The following SPHKAP variants were observed in gnomAD, a reference collection of about 807,000 sequenced individuals.
The protein encoded by SPHKAP is A-kinase anchor protein SPHKAP.
SPHKAP carries 67 observed loss-of-function variants against 137.5 expected under a neutral mutation model. That is an observed-to-expected ratio of 0.49 (90% CI 0.40 to 0.60). SPHKAP has a LOEUF of 0.60. Ranked by LOEUF, SPHKAP falls within the 20% of genes least tolerant of loss-of-function variation. SPHKAP has a pLI of 0.00. For synonymous variants in SPHKAP, 813 were observed against 785.3 expected (o/e 1.04, Z -0.59); for missense variants, 2,097 against 2,069.3 (o/e 1.01, Z -0.26).
rs566229628 is a variant in SPHKAP, at chr2:228,045,678, G to A, written c.247-18135C>T. Among the ~76,000 whole-genome samples, 79 of 151,788 alleles carry A rather than the reference G, an allele frequency of 5.2e-4. 2 individuals carry two copies. In the South Asian group the frequency reaches 0.015, roughly 30 times the overall value. ...ACGAGTTAATGGGTGCAGCACACCAGCATGGCACATATATACATATGTAAC... is the reference window on the plus strand; with the variant it reads ...ACGAGTTAATGGGTGCAGCACACCAACATGGCACATATATACATATGTAAC... On this transcript the variant is annotated intron_variant, in intron 3 of 11. Transcript: ENST00000392056.
Position 228,049,713 on chromosome 2 carries a change from T to A in SPHKAP, c.247-22170A>T, listed in dbSNP as rs112404935. Among the ~76,000 whole-genome samples, 1,285 of 152,334 alleles carry A rather than the reference T, an allele frequency of 8.4e-3. 17 individuals carry two copies. The highest frequency in any genetic ancestry group is 0.029 in the East Asian group (152 of 5,180). On this transcript the variant is annotated intron_variant, in intron 3 of 11. Coordinates refer to ENST00000392056, the MANE Select transcript of SPHKAP (RefSeq NM_001142644.2). ...ATTTTTTATGTCCATATGTACCCAA[T>A]GTTTAGCTCTTACTTGTAAGTGAGA...
At chr2:227,982,478 G>T in intron 11 of SPHKAP, 1 of 499,736 alleles carries the variant, frequency 2.0e-6, no homozygotes, top group Non-Finnish European at 2.6e-6. Flanking sequence ...ATTGGCCACA[G>T]CCTAGAGAGA....
intron 1 of SPHKAP, among the ~76,000 whole-genome samples, chr2:228,137,006 TCTC>T (rs932132444): frequency 2.0e-5 from 3 of 152,016 alleles, no homozygotes; most frequent in African/African-American, 7.2e-5. Context: ...GGAGGCCACT[TCTC>T]CTCTCCCACA....
intron 1 of SPHKAP, among the ~76,000 whole-genome samples, chr2:228,156,930 A>T (rs1700124875): frequency 6.6e-6 from 1 of 152,028 alleles, no homozygotes; most frequent in East Asian, 1.9e-4. Flanking sequence ...TTCCTTTATA[A>T]ATTACCCAGT....
chr2:228,052,387 G>T (rs767216883), intron 3 of SPHKAP, among the ~76,000 whole-genome samples: 7 of 152,068 alleles, frequency 4.6e-5, no homozygotes, highest in Non-Finnish European at 1.0e-4. Context: ...CTAATTCTTA[G>T]CATCATGAAA....
intron 2 of SPHKAP, among the ~76,000 whole-genome samples, chr2:228,125,283 T>C (rs1428280347): frequency 1.3e-5 from 2 of 152,204 alleles, no homozygotes; most frequent in Non-Finnish European, 2.9e-5. Flanking sequence ...ACATTGAATA[T>C]AATGCTTTCA....
At chr2:228,068,455 A>G (rs1428416279) in intron 3 of SPHKAP, among the ~76,000 whole-genome samples, 1 of 152,172 alleles carries the variant, frequency 6.6e-6, no homozygotes, top group Non-Finnish European at 1.5e-5. Flanking sequence ...AAAACTGGAG[A>G]CATCATATTA....
intron 1 of SPHKAP, among the ~76,000 whole-genome samples, chr2:228,174,308 T>C (rs1489930737): frequency 1.3e-5 from 2 of 152,278 alleles, no homozygotes; most frequent in East Asian, 3.9e-4. Context: ...GGAACCTTTT[T>C]TTTTTTTCTC....
At chr2:228,082,050 A>G (rs1024418176) in intron 3 of SPHKAP, among the ~76,000 whole-genome samples, 2 of 152,232 alleles carry the variant, frequency 1.3e-5, no homozygotes, top group Admixed American at 6.5e-5. Context: ...CACGTTGTAC[A>G]TGATGAATAA....
intron 1 of SPHKAP, among the ~76,000 whole-genome samples, chr2:228,160,324 G>T (rs546599723): frequency 6.6e-6 from 1 of 152,236 alleles, no homozygotes; most frequent in Admixed American, 6.5e-5. Context: ...GTATTAGTCT[G>T]TTCTCACACT....
At position 228,016,453 on chromosome 2, in the gene SPHKAP, A is replaced by G. The variant is rs1322893766; in HGVS notation, c.4401T>C (p.Asp1467=). 6.2e-7 allele frequency: 1 copy of G among 1,611,316 alleles called. No homozygotes were observed. Among genetic ancestry groups the G allele is most frequent in the Non-Finnish European group, 8.5e-7 (1 of 1,179,118 alleles). ...EGHSNDKNIP[D]VVRGGDTAVS... is the part of the protein sequence containing the mutation. ...CGGCTGTGTCTCCACCTCTCACCAC[A>G]TCTGGGATGTTTTTGTCATTCGAAT... Residue 1467 remains aspartate, a synonymous_variant, in exon 7 of 12, where the codon GAT becomes GAC. Transcript: ENST00000392056.
chr2:228,092,562 G>A (rs185561290), intron 3 of SPHKAP, among the ~76,000 whole-genome samples: 39 of 108,388 alleles, frequency 3.6e-4, no homozygotes, highest in African/African-American at 1.3e-3. Flanking sequence ...GTGTATATGT[G>A]CCATATATAT....
At chr2:228,036,404 G>T (rs1695597404) in intron 3 of SPHKAP, among the ~76,000 whole-genome samples, 1 of 152,138 alleles carries the variant, frequency 6.6e-6, no homozygotes, top group Admixed American at 6.5e-5. Flanking sequence ...AGAGGATGTG[G>T]AGAAATAGGA....
chr2:228,085,256 G>C (rs762371143), intron 3 of SPHKAP, among the ~76,000 whole-genome samples: 2 of 152,170 alleles, frequency 1.3e-5, no homozygotes, highest in Non-Finnish European at 2.9e-5. Flanking sequence ...TTTAATGTCA[G>C]GTTTATTTTT....
chr2:228,032,909 G>C (rs1201919545), intron 3 of SPHKAP, among the ~76,000 whole-genome samples: 1 of 152,148 alleles, frequency 6.6e-6, no homozygotes, highest in Admixed American at 6.5e-5. Context: ...ACCGGTACCT[G>C]CCACTCCAAA....
chr2:228,004,999 G>A (rs1416385191), intron 7 of SPHKAP, among the ~76,000 whole-genome samples: 2 of 152,214 alleles, frequency 1.3e-5, no homozygotes, highest in African/African-American at 2.4e-5. Context: ...TGGAATAGAT[G>A]CGGTGTGGTT....
intron 3 of SPHKAP, among the ~76,000 whole-genome samples, chr2:228,056,645 C>T (rs931282037): frequency 2.0e-5 from 3 of 151,818 alleles, no homozygotes; most frequent in African/African-American, 7.3e-5. Context: ...TGAGCACGAG[C>T]CAGAGGAAAT....
intron 11 of SPHKAP, 70 bp downstream of exon 11, chr2:227,990,930 G>T (rs900047824): frequency 6.1e-6 from 9 of 1,482,876 alleles, no homozygotes; most frequent in Admixed American, 1.7e-5. Flanking sequence ...GGTTTACTGA[G>T]CATTTACTGA....
chr2:228,068,375 C>A (rs1696897105), intron 3 of SPHKAP, among the ~76,000 whole-genome samples: 1 of 150,314 alleles, frequency 6.7e-6, no homozygotes, highest in Non-Finnish European at 1.5e-5. Context: ...AAAAAAAAAA[C>A]AACACCTTAA....
Sources: gnomAD v4.1 joint callset for allele counts (sites outside exome capture counted in the v4.1 genomes callset) on GRCh38, gnomAD v4.1.1 for gene constraint, MANE v1.5 for transcripts, NCBI Gene and HGNC (gene_info 2026-07-23, HGNC 2026-07-21) for gene names.